The following IL2RA variants were observed in gnomAD, a reference collection of about 807,000 sequenced individuals.
The protein encoded by IL2RA is interleukin-2 receptor subunit alpha.
In IL2RA, 24 loss-of-function variants were observed where a neutral mutation model predicts 37.8. The ratio of observed to expected loss-of-function variants is 0.63; its 90% CI spans 0.46 to 0.89. The LOEUF is 0.89. Among genes scored for constraint, IL2RA ranks in the 40% least tolerant of loss-of-function variants. The pLI is 0.00. For missense variants in IL2RA, 319 were observed against 348.6 expected (o/e 0.92, Z 0.68); for synonymous variants, 125 against 114.6 (o/e 1.09, Z -0.58).
chr10:6,039,962 A>G lies in IL2RA; in HGVS notation c.65-13937T>C, dbSNP rs528202078. Among the ~76,000 whole-genome samples the G allele has an allele frequency of 1.0e-3, 152 of 152,356 alleles. 2 individuals carry two copies. The highest frequency in any genetic ancestry group is 3.6e-3 in the African/African-American group (149 of 41,588). The stretch of plus-strand genomic sequence containing the variant: ...AAAGGTGGGTGGGAGTTCAACTGGA[A>G]GGTTAGGCACGTCAGGCCATTCTGG... On this transcript the variant is annotated intron_variant, in intron 1 of 7. Transcript: ENST00000379959.
rs1400198328 is a variant in IL2RA at position 6,022,544 on chromosome 10, C to G, written c.368-851G>C. ...TCTGAACTTCCAGACTCTCCCCAAC[C>G]CTGCATACCCAACAGAGCCTCTGTA... On this transcript the variant is annotated intron_variant, in intron 3 of 7. Coordinates refer to ENST00000379959, the MANE Select transcript of IL2RA (RefSeq NM_000417.3). This position sits in a 1 kb window ranked among gnomAD's most constrained non-coding sequence, Gnocchi z 4.7. 3.3e-5 allele frequency among the ~76,000 whole-genome samples: 5 copies of G among 152,342 alleles called. No homozygotes were observed. Among genetic ancestry groups the G allele is most frequent in the South Asian group, 4.1e-4 (2 of 4,832 alleles).
intron 1 of IL2RA, among the ~76,000 whole-genome samples, chr10:6,055,829 G>A (rs1564554318): frequency 6.0e-4 from 3 of 5,030 alleles, no homozygotes; most frequent in African/African-American, 8.6e-4. Context: ...GGCCGGGCGG[G>A]GGGGCCGACT....
At chr10:6,059,922 A>G (rs757605046) in intron 1 of IL2RA, among the ~76,000 whole-genome samples, 2 of 152,176 alleles carry the variant, frequency 1.3e-5, no homozygotes, top group Non-Finnish European at 2.9e-5. Context: ...TGTCAGGACT[A>G]TATCTCCCTC....
At position 6,019,916 on chromosome 10, in the gene IL2RA, G is replaced by T. The variant is rs760357500; in HGVS notation, c.609C>A (p.Pro203=). The change falls in exon 5 of 8, where the codon CCC becomes CCA. Residue 203 remains proline, a synonymous_variant. Coordinates refer to ENST00000379959, the MANE Select transcript of IL2RA (RefSeq NM_000417.3). ...AAGTCTCACTCTCAGGACGGCCTTC[G>T]GGGCTTGCCTGAGGCTTCTCTTCAC... ...FPGEEKPQAS[P]EGRPESETSC... 2 of 1,614,116 alleles carry T rather than the reference G, an allele frequency of 1.2e-6. No homozygotes were observed. Among genetic ancestry groups the T allele is most frequent in the East Asian group, 2.2e-5 (1 of 44,878 alleles).
At chr10:6,031,478 A>ATATATATG (rs1564545941) in intron 1 of IL2RA, among the ~76,000 whole-genome samples, 6 of 28,046 alleles carry the variant, frequency 2.1e-4, no homozygotes, top group African/African-American at 7.4e-4. Flanking sequence ...ATATATATAT[A>ATATATATG]TATATATATA....
In IL2RA at chr10:6,058,919, T is replaced by G. The variant is rs1429070239; in HGVS notation, c.64+3169A>C. Among the ~76,000 whole-genome samples the G allele has an allele frequency of 6.6e-6, 1 of 152,196 alleles. No individual in the cohort carries two copies. The highest frequency in any genetic ancestry group is 1.5e-5 in the Non-Finnish European group (1 of 68,034). On this transcript the variant is annotated intron_variant, in intron 1 of 7. Transcript: ENST00000379959. The surrounding 1 kb of genome is among the most constrained non-coding windows in gnomAD (Gnocchi z 4.2). ...AATATGTCCTCATAAACCCTTGCCA[T>G]GTTAAATGGTGGCTTTGGAAATTTT...
Position 6,035,621 on chromosome 10 carries a change from C to G in IL2RA, c.65-9596G>C, listed in dbSNP as rs1839667926. The stretch of plus-strand genomic sequence containing the variant: ...CAGGAGGAGAATCCTGAACCACGGG[C>G]TCTGCGGTGATGTGGCCTTCCTCTT... On this transcript the variant is annotated intron_variant, in intron 1 of 7. Coordinates refer to ENST00000379959, the MANE Select transcript of IL2RA (RefSeq NM_000417.3). The surrounding 1 kb of genome is among the most constrained non-coding windows in gnomAD (Gnocchi z 5.4). 6.6e-6 allele frequency among the ~76,000 whole-genome samples: 1 copy of G among 152,186 alleles called. No individual in the cohort carries two copies. Among genetic ancestry groups the G allele is most frequent in the Non-Finnish European group, 1.5e-5 (1 of 68,030 alleles).
Position 6,012,955 on chromosome 10 carries a change from T to C in IL2RA, c.795-59A>G. 2 of 1,551,432 alleles carry C rather than the reference T, an allele frequency of 1.3e-6. No homozygotes were observed. Among genetic ancestry groups the C allele is most frequent in the Non-Finnish European group, 1.8e-6 (2 of 1,122,862 alleles). ...GTAACACGGCACCAAAAAAATGTGGTCCTCACTCTAAACCAGTGCACACGC... is the reference window on the plus strand; with the variant it reads ...GTAACACGGCACCAAAAAAATGTGGCCCTCACTCTAAACCAGTGCACACGC... On this transcript the variant is annotated intron_variant, in intron 7 of 7. Coordinates refer to ENST00000379959, the MANE Select transcript of IL2RA (RefSeq NM_000417.3). The surrounding 1 kb of genome is among the most constrained non-coding windows in gnomAD (Gnocchi z 4.8).
At chr10:6,052,788 T>C (rs950171859) in intron 1 of IL2RA, among the ~76,000 whole-genome samples, 5 of 152,146 alleles carry the variant, frequency 3.3e-5, no homozygotes, top group African/African-American at 9.7e-5. Context: ...GAGGTGGCAA[T>C]TCCTGAATGT....
intron 7 of IL2RA, among the ~76,000 whole-genome samples, chr10:6,013,661 C>T (rs1176703686): frequency 6.6e-6 from 1 of 152,122 alleles, no homozygotes; most frequent in Non-Finnish European, 1.5e-5. Context: ...AAGAGATGCG[C>T]GGTAGCCACC....
intron 1 of IL2RA, among the ~76,000 whole-genome samples, chr10:6,038,800 T>A (rs1456251666): frequency 6.6e-6 from 1 of 152,214 alleles, no homozygotes; most frequent in Non-Finnish European, 1.5e-5. Flanking sequence ...TTGTAAAGTC[T>A]GGATTCATGT....
At chr10:6,041,723 A>G (rs573997879) in intron 1 of IL2RA, among the ~76,000 whole-genome samples, 1 of 152,244 alleles carries the variant, frequency 6.6e-6, no homozygotes, top group Non-Finnish European at 1.5e-5. Flanking sequence ...ACGTCTTTAA[A>G]ATACAGTGAC....
intron 7 of IL2RA, among the ~76,000 whole-genome samples, chr10:6,016,111 G>C (rs931248976): frequency 6.6e-6 from 1 of 152,202 alleles, no homozygotes; most frequent in African/African-American, 2.4e-5. Flanking sequence ...CAGCAATGTT[G>C]ACAGGTGAGA....
In IL2RA at chr10:6,057,381, C is replaced by A. The variant is rs2132905267; in HGVS notation, c.64+4707G>T. On this transcript the variant is annotated intron_variant, in intron 1 of 7. Coordinates refer to ENST00000379959, the MANE Select transcript of IL2RA (RefSeq NM_000417.3). This position sits in a 1 kb window ranked among gnomAD's most constrained non-coding sequence, Gnocchi z 4.8. Reference sequence around the variant, plus strand: ...GCATTGATACACAAAAGTCGCTCAACCCTGACCGTGCCAGTATGTCTTCAT... The same window carrying A: ...GCATTGATACACAAAAGTCGCTCAAACCTGACCGTGCCAGTATGTCTTCAT... Among the ~76,000 whole-genome samples the A allele has an allele frequency of 6.6e-6, 1 of 152,296 alleles. No homozygotes were observed. The highest frequency in any genetic ancestry group is 1.5e-5 in the Non-Finnish European group (1 of 68,016).
Position 6,048,804 on chromosome 10 carries a change from A to T in IL2RA, c.64+13284T>A, listed in dbSNP as rs1316770870. On this transcript the variant is annotated intron_variant, in intron 1 of 7. Transcript: ENST00000379959. This position sits in a 1 kb window ranked among gnomAD's most constrained non-coding sequence, Gnocchi z 5.3. ...ATGCCCTGACTGAGACCCCTCTGGG[A>T]TGTTCTGTTCCTTCCAGGACACAGT... 5.3e-5 allele frequency among the ~76,000 whole-genome samples: 8 copies of T among 152,118 alleles called. No individual in the cohort carries two copies. The highest frequency in any genetic ancestry group is 1.9e-4 in the African/African-American group (8 of 41,412).
At chr10:6,060,750 C>T (rs1840110535) in intron 1 of IL2RA, among the ~76,000 whole-genome samples, 1 of 150,340 alleles carries the variant, frequency 6.7e-6, no homozygotes, top group African/African-American at 2.4e-5. Context: ...GAGTGAGACT[C>T]TGTCTCAAAA....
intron 7 of IL2RA, among the ~76,000 whole-genome samples, 183 bp from the exon 8 acceptor site, chr10:6,013,079 C>T (rs12243993): frequency 0.098 from 14,987 of 152,220 alleles, 875 homozygotes; most frequent in Non-Finnish European, 0.13. Flanking sequence ...CTGCCTGCCT[C>T]GGCCTTCCAA....
In IL2RA at chr10:6,062,185, A is replaced by G. The variant is rs1265292716; in HGVS notation, c.-34T>C. 1.9e-6 allele frequency: 3 copies of G among 1,592,554 alleles called. No homozygotes were observed. Among genetic ancestry groups the G allele is most frequent in the Admixed American group, 1.7e-5 (1 of 59,962 alleles). ...CCCTTGGGACCAGCCGGGGCAGTGA[A>G]GCGGAGGTCTTTCTCTGCAGAAGGC... On this transcript the variant is annotated 5_prime_UTR_variant, in exon 1 of 8. Coordinates refer to ENST00000379959, the MANE Select transcript of IL2RA (RefSeq NM_000417.3).
chr10:6,020,028 C>G lies in IL2RA; in HGVS notation c.584-87G>C. 1.8e-6 allele frequency: 2 copies of G among 1,104,734 alleles called. No individual in the cohort carries two copies. The highest frequency in any genetic ancestry group is 2.5e-5 in the South Asian group (2 of 80,420). The allele number at this position is 1,104,734 out of a possible 1,614,324, so 68.4% of individuals were successfully genotyped here. A position where few individuals can be genotyped will look rare whatever the true frequency, so the allele number is the denominator to read the frequency against. On this transcript the variant is annotated intron_variant, in intron 4 of 7. Transcript: ENST00000379959. This position sits in a 1 kb window ranked among gnomAD's most constrained non-coding sequence, Gnocchi z 5.6. ...CCCCGCCTGCCCCAGGCAGCCGGCC[C>G]CAGACACGCCCGAGGAGGCAGGAAT...
Sources: gnomAD v4.1 joint callset for allele counts (sites outside exome capture counted in the v4.1 genomes callset) on GRCh38, gnomAD v4.1.1 for gene constraint, Gnocchi (gnomAD v3.1) non-coding constraint, MANE v1.5 for transcripts, NCBI Gene and HGNC (gene_info 2026-07-23, HGNC 2026-07-21) for gene names.